The following GRIA3 variants were observed in gnomAD, a reference collection of about 807,000 sequenced individuals.
GRIA3 encodes the protein glutamate receptor 3.
GRIA3 carries 3 observed loss-of-function variants against 63.0 expected under a neutral mutation model. The ratio of observed to expected loss-of-function variants is 0.05; its 90% CI spans 0.02 to 0.12. The LOEUF is 0.12. GRIA3 is among the 10% of genes least tolerant of loss of function. GRIA3 has a pLI of 1.00. For missense variants in GRIA3, 347 were observed against 700.9 expected (o/e 0.50, Z 5.70); for synonymous variants, 274 against 257.9 (o/e 1.06, Z -0.60).
Position 123,464,850 on chromosome X carries a change from A to C in GRIA3, c.2077-15A>C, listed in dbSNP as rs1454753347. The C allele has an allele frequency of 5.8e-6, 7 of 1,203,035 alleles. No homozygotes were observed. Among genetic ancestry groups the C allele is most frequent in the Non-Finnish European group, 7.9e-6 (7 of 888,197 alleles). ...ATATCTGGCAGCTCTAAGAATTCTTATCTCTTTGGTGCAGAGATCCAAAAT... is the reference window on the plus strand; with the variant it reads ...ATATCTGGCAGCTCTAAGAATTCTTCTCTCTTTGGTGCAGAGATCCAAAAT... On this transcript the variant is annotated splice_polypyrimidine_tract_variant and intron_variant, in intron 12 of 15. Transcript: ENST00000620443.
At chrX:123,217,434 C>G (rs1451930826) in intron 2 of GRIA3, among the ~76,000 whole-genome samples, 1 of 111,530 alleles carries the variant, frequency 9.0e-6, no homozygotes, top group East Asian at 2.8e-4. Flanking sequence ...AAGTCCTTAT[C>G]CCACTTTCAA....
intron 3 of GRIA3, among the ~76,000 whole-genome samples, chrX:123,316,249 TAAAC>T (rs1288847032): frequency 9.0e-6 from 1 of 110,723 alleles, no homozygotes; most frequent in Non-Finnish European, 1.9e-5. Flanking sequence ...ACAAAGGAAA[TAAAC>T]AGGCAGTACT....
intron 2 of GRIA3, among the ~76,000 whole-genome samples, chrX:123,225,601 A>G (rs1288412557): frequency 1.8e-5 from 2 of 109,907 alleles, no homozygotes; most frequent in African/African-American, 3.3e-5. Context: ...CATGTTTTGA[A>G]GTGTACATTT....
At chrX:123,256,808 T>C (rs938822554) in intron 3 of GRIA3, among the ~76,000 whole-genome samples, 6 of 111,884 alleles carry the variant, frequency 5.4e-5, no homozygotes, top group African/African-American at 1.3e-4. Flanking sequence ...GGGAAACCAA[T>C]TGAAAGTCCA....
At chrX:123,287,443 G>C (rs1051962014) in intron 3 of GRIA3, among the ~76,000 whole-genome samples, 2 of 111,214 alleles carry the variant, frequency 1.8e-5, no homozygotes, top group Admixed American at 9.6e-5. Flanking sequence ...AGAAATAAAG[G>C]GTATTCATAT....
At chrX:123,399,431 C>G (rs986882711) in intron 7 of GRIA3, among the ~76,000 whole-genome samples, 7 of 112,300 alleles carry the variant, frequency 6.2e-5, no homozygotes, top group Non-Finnish European at 1.1e-4. Flanking sequence ...AATGGATAGA[C>G]AGTCAAATAG....
At chrX:123,436,726 A>G (rs2045646317) in intron 12 of GRIA3, among the ~76,000 whole-genome samples, 1 of 111,916 alleles carries the variant, frequency 8.9e-6, no homozygotes, top group Admixed American at 9.5e-5. Context: ...GCATCAGGGT[A>G]ATTAACATCA....
At chrX:123,460,460 G>A (rs5958239) in intron 12 of GRIA3, among the ~76,000 whole-genome samples, 6,113 of 111,688 alleles carry the variant, frequency 0.055, 247 homozygotes, top group African/African-American at 0.13. Context: ...AATTATCTAA[G>A]AGCCCTTCAA....
In GRIA3 at chrX:123,377,852, T is replaced by C. The variant is rs186926946; in HGVS notation, c.751-17116T>C. 5.4e-5 allele frequency among the ~76,000 whole-genome samples: 6 copies of C among 112,104 alleles called. No individual in the cohort carries two copies. In the Admixed American group the frequency reaches 5.7e-4, roughly 11 times the overall value. On this transcript the variant is annotated intron_variant, in intron 5 of 15. Transcript: ENST00000620443. ...GTTTCAAGGATTCACAGCTCAGCTTTACCACCTTGACTACTGTGGGTGTCT... is the reference window on the plus strand; with the variant it reads ...GTTTCAAGGATTCACAGCTCAGCTTCACCACCTTGACTACTGTGGGTGTCT...
intron 5 of GRIA3, among the ~76,000 whole-genome samples, chrX:123,372,322 GTTC>G (rs1173337521): frequency 8.9e-6 from 1 of 111,842 alleles, no homozygotes; most frequent in Non-Finnish European, 1.9e-5. Context: ...CTCCAGTTCT[GTTC>G]TTCTTTCTCA....
At chrX:123,216,142 T>C (rs994676146) in intron 2 of GRIA3, among the ~76,000 whole-genome samples, 2 of 112,212 alleles carry the variant, frequency 1.8e-5, no homozygotes, top group African/African-American at 6.5e-5. Context: ...TTCTCTAAGA[T>C]GAAAAAGCTT....
At chrX:123,414,974 C>A (rs757999826) in intron 10 of GRIA3, among the ~76,000 whole-genome samples, 1 of 111,835 alleles carries the variant, frequency 8.9e-6, no homozygotes, top group Non-Finnish European at 1.9e-5. Flanking sequence ...ATTTCTAGTT[C>A]TATATTCTTG....
At chrX:123,428,272 T>C in intron 12 of GRIA3, 133 bp downstream of exon 12, 1 of 519,206 alleles carries the variant, frequency 1.9e-6, no homozygotes. Flanking sequence ...TCTTAAATAC[T>C]GGGCTGCTTG....
At chrX:123,370,310 A>G (rs1339899367) in intron 5 of GRIA3, among the ~76,000 whole-genome samples, 1 of 111,053 alleles carries the variant, frequency 9.0e-6, no homozygotes, top group Non-Finnish European at 1.9e-5. Context: ...TGCATCAATT[A>G]CCTACATGAA....
intron 5 of GRIA3, among the ~76,000 whole-genome samples, chrX:123,391,966 A>T (rs2045389038): frequency 8.9e-6 from 1 of 111,732 alleles, no homozygotes; most frequent in Non-Finnish European, 1.9e-5. Flanking sequence ...CAGTTTACTC[A>T]GGCACTGGGA....
intron 5 of GRIA3, among the ~76,000 whole-genome samples, chrX:123,374,288 G>T (rs778949876): frequency 8.9e-6 from 1 of 111,775 alleles, no homozygotes; most frequent in South Asian, 3.7e-4. Flanking sequence ...GTCAGGTAGC[G>T]TGATGCCTCC....
chrX:123,219,370 A>G (rs1928236804), intron 2 of GRIA3, among the ~76,000 whole-genome samples: 1 of 112,212 alleles, frequency 8.9e-6, no homozygotes, highest in Non-Finnish European at 1.9e-5. Context: ...CTAATGTTTT[A>G]GAATGAGTCT....
In GRIA3 at chrX:123,489,200, A is replaced by C. The variant is rs1041709549; in HGVS notation, c.*490A>C. The C allele has an allele frequency of 3.6e-5, 4 of 111,615 alleles. No homozygotes were observed. Among genetic ancestry groups the C allele is most frequent in the Non-Finnish European group, 5.7e-5 (3 of 53,072 alleles). 9.2% of individuals were successfully genotyped at this position (111,615 alleles called of 1,213,427 possible). A position where few individuals can be genotyped will look rare whatever the true frequency, so the allele number is the denominator to read the frequency against. ...ATTAAAAAGAAAAAATCTGTCTCCCAGTGTTTGGGAAGACGGACTGGCATT... is the reference window on the plus strand; with the variant it reads ...ATTAAAAAGAAAAAATCTGTCTCCCCGTGTTTGGGAAGACGGACTGGCATT... On this transcript the variant is annotated 3_prime_UTR_variant, in exon 16 of 16. Transcript: ENST00000620443.
At chrX:123,219,748 A>G (rs1005085540) in intron 2 of GRIA3, among the ~76,000 whole-genome samples, 5 of 112,338 alleles carry the variant, frequency 4.5e-5, no homozygotes, top group African/African-American at 1.6e-4. Context: ...CTCCAGGGCT[A>G]CAGCTGGAAC....
Sources: allele counts gnomAD v4.1 joint callset (sites outside exome capture counted in the v4.1 genomes callset), GRCh38; gene constraint gnomAD v4.1.1; transcripts MANE v1.5; gene names NCBI Gene and HGNC (gene_info 2026-07-23, HGNC 2026-07-21).